DNAH6: variants seen among roughly 807,000 people sequenced by gnomAD.
DNAH6 encodes dynein axonemal heavy chain 6.
DNAH6 carries 340 observed loss-of-function variants against 491.4 expected under a neutral mutation model. That is an observed-to-expected ratio of 0.69 (90% CI 0.63 to 0.76). The LOEUF is 0.76. Among genes scored for constraint, DNAH6 ranks in the 30% least tolerant of loss-of-function variants. The pLI, the probability that DNAH6 is intolerant of heterozygous loss-of-function variation, is 0.00. For synonymous variants in DNAH6, 1,603 were observed against 1,686.1 expected, an observed-to-expected ratio of 0.95 and a Z score of 1.21; for missense variants, 4,443 against 4,972.2, an observed-to-expected ratio of 0.89 and a Z score of 3.20.
At chr2:84,526,550 CG>C (rs1185625073) in intron 3 of DNAH6, among the ~76,000 whole-genome samples, 1 of 152,018 alleles carries the variant, frequency 6.6e-6, no homozygotes, top group Non-Finnish European at 1.5e-5. Context: ...ACCTGGCCAT[CG>C]GGGGGCCAGT....
intron 45 of DNAH6, among the ~76,000 whole-genome samples, chr2:84,693,433 T>C (rs1394832370): frequency 6.6e-6 from 1 of 152,082 alleles, no homozygotes; most frequent in Non-Finnish European, 1.5e-5. Context: ...TCTAGTATCA[T>C]CATTGTAGGG....
At chr2:84,813,225 C>T in intron 74 of DNAH6, 95 bp downstream of exon 74, 1 of 884,338 alleles carries the variant, frequency 1.1e-6, no homozygotes, top group Non-Finnish European at 1.8e-6. Context: ...GCTGCTAATG[C>T]TCTAGCAATG....
intron 64 of DNAH6, among the ~76,000 whole-genome samples, chr2:84,765,815 T>G (rs1376029209): frequency 6.6e-6 from 1 of 152,046 alleles, no homozygotes; most frequent in East Asian, 1.9e-4. Context: ...TATATGCTAT[T>G]TAGAAACCAC....
Position 84,604,501 on chromosome 2 carries a change from A to C in DNAH6, c.3031A>C (p.Ile1011Leu), listed in dbSNP as rs376933349. 4 of 1,551,760 alleles carry C rather than the reference A, an allele frequency of 2.6e-6. No homozygotes were observed. Among genetic ancestry groups the C allele is most frequent in the Non-Finnish European group, 3.5e-6 (4 of 1,146,992 alleles). The change falls in exon 19 of 77, where the codon ATA becomes CTA. Residue 1011 changes from isoleucine (I) to leucine (L), a missense_variant. Physicochemically the swap from Ile to Leu is conservative, Grantham distance 5. Coordinates refer to ENST00000389394, the MANE Select transcript of DNAH6 (RefSeq NM_001370.2). ...TGACTTTGGTCAAGAAATCCAGGACATATCTGGACAGGCTTCTGGAGAAGC... is the reference window on the plus strand; with the variant it reads ...TGACTTTGGTCAAGAAATCCAGGACCTATCTGGACAGGCTTCTGGAGAAGC... The part of the protein sequence containing the change: ...VFDFGQEIQD[I>L]SGQASGEAAL...
At chr2:84,517,506 C>T (rs908428253) in intron 1 of DNAH6, among the ~76,000 whole-genome samples, 2 of 152,144 alleles carry the variant, frequency 1.3e-5, no homozygotes, top group African/African-American at 4.8e-5. Context: ...TCCTTTTGTC[C>T]TTCCAAATCT....
intron 9 of DNAH6, among the ~76,000 whole-genome samples, chr2:84,550,999 T>A (rs1255113993): frequency 6.6e-6 from 1 of 152,178 alleles, no homozygotes; most frequent in Non-Finnish European, 1.5e-5. Flanking sequence ...TATTATCTCA[T>A]ATTCAAATTT....
the DNAH6 span, among the ~76,000 whole-genome samples, chr2:84,475,346 G>C: frequency 4.6e-5 from 7 of 152,310 alleles, no homozygotes; most frequent in East Asian, 1.4e-3. Context: ...GGGGCTCAAG[G>C]CAGCTCCCTC....
At chr2:84,794,499 C>T (rs1446005514) in intron 68 of DNAH6, among the ~76,000 whole-genome samples, 2 of 150,298 alleles carry the variant, frequency 1.3e-5, no homozygotes, top group Non-Finnish European at 3.0e-5. Context: ...CAAACAACCC[C>T]ATCAAAAAGT....
intron 62 of DNAH6, 40 bp from the exon 63 acceptor site, chr2:84,745,040 C>T: frequency 7.7e-7 from 1 of 1,298,552 alleles, no homozygotes; most frequent in Non-Finnish European, 1.0e-6. Flanking sequence ...AAAGCCAAAA[C>T]AAATCTAATT....
Position 84,611,526 on chromosome 2 carries a change from G to A in DNAH6, c.3295-148G>A, listed in dbSNP as rs1308768833. 1.5e-5 allele frequency: 10 copies of A among 671,620 alleles called. No homozygotes were observed. The Admixed American group carries it at 2.6e-4, about 18-fold the overall frequency. 41.6% of individuals were successfully genotyped at this position (671,620 alleles called of 1,614,324 possible). A position where few individuals can be genotyped will look rare whatever the true frequency, so the allele number is the denominator to read the frequency against. Reference sequence around the variant, plus strand: ...CTAAGGTGAATCTTGGACCTTGTAAGGAATTTAATTTCAAAGGACCTGTGA... The same window carrying A: ...CTAAGGTGAATCTTGGACCTTGTAAAGAATTTAATTTCAAAGGACCTGTGA... On this transcript the variant is annotated intron_variant, in intron 21 of 76. Transcript: ENST00000389394.
chr2:84,613,406 G>A (rs1686522883), intron 22 of DNAH6, among the ~76,000 whole-genome samples: 1 of 152,100 alleles, frequency 6.6e-6, no homozygotes, highest in East Asian at 1.9e-4. Flanking sequence ...GAGTGCTTAG[G>A]TGGGGACTGG....
intron 70 of DNAH6, 86 bp from the exon 71 acceptor site, chr2:84,805,579 T>G: frequency 1.6e-6 from 2 of 1,271,462 alleles, no homozygotes; most frequent in Non-Finnish European, 2.1e-6. Context: ...AGAACTGCCT[T>G]TACTTTTGTA....
At chr2:84,521,898 A>G (rs879497128) in intron 2 of DNAH6, among the ~76,000 whole-genome samples, 8 of 152,126 alleles carry the variant, frequency 5.3e-5, no homozygotes, top group Middle Eastern at 3.2e-3. Flanking sequence ...GTTTGAAGTC[A>G]GGTAACATGA....
chr2:84,803,184 C>T (rs142727498), intron 70 of DNAH6, among the ~76,000 whole-genome samples: 55 of 152,148 alleles, frequency 3.6e-4, no homozygotes, highest in Non-Finnish European at 7.2e-4. Flanking sequence ...AAACTAAACT[C>T]GAAGAATGCA....
rs759756512 is a variant in DNAH6 at position 84,701,245 on chromosome 2, T to A, written c.7967T>A (p.Leu2656Gln). The change falls in exon 49 of 77, where the codon CTG (leucine) becomes CAG (glutamine). Residue 2656 changes from leucine (L) to glutamine (Q), a missense_variant. Coordinates refer to ENST00000389394, the MANE Select transcript of DNAH6 (RefSeq NM_001370.2). ...ATGGCAGAGCGCTATTACAATGAGC[T>A]GCGCAGGCGGTACTACACGACACCC... is the stretch of plus-strand genomic sequence containing the variant. ...SSMAERYYNE[L>Q]RRRYYTTPTS... 6.4e-7 allele frequency: 1 copy of A among 1,551,830 alleles called. No individual in the cohort carries two copies. Among genetic ancestry groups the A allele is most frequent in the South Asian group, 1.2e-5 (1 of 84,060 alleles).
At chr2:84,735,098 T>C (rs1699427614) in intron 62 of DNAH6, among the ~76,000 whole-genome samples, 1 of 152,172 alleles carries the variant, frequency 6.6e-6, no homozygotes, top group Admixed American at 6.5e-5. Flanking sequence ...CCCTCCTTTA[T>C]GTCTGTGTGT....
At chr2:84,493,903 G>A in the DNAH6 span, among the ~76,000 whole-genome samples, 1 of 152,186 alleles carries the variant, frequency 6.6e-6, no homozygotes, top group Non-Finnish European at 1.5e-5. Context: ...TGAAGAGACT[G>A]TGACAACAAG....
At position 84,548,383 on chromosome 2, in the gene DNAH6, G is replaced by A; in HGVS notation, c.1282G>A (p.Ala428Thr). Residue 428 changes from alanine to threonine, a missense_variant, in exon 8 of 77, where the codon GCC becomes ACC. This residue lies in a region of DNAH6 where 2,977 missense variants were observed against 3,296.6 expected (regional missense o/e 0.90). Transcript: ENST00000389394. ...TGAGAAAATGACATATACAGAACAGGCCAGCAAAAGGCATTATTGCATGAG... is the reference window on the plus strand; with the variant it reads ...TGAGAAAATGACATATACAGAACAGACCAGCAAAAGGCATTATTGCATGAG... ...DSEKMTYTEQ[A>T]SKRHYCMRLT... is the part of the protein sequence containing the mutation. 1.2e-6 allele frequency: 2 copies of A among 1,613,936 alleles called. No individual in the cohort carries two copies. Among genetic ancestry groups the A allele is most frequent in the Non-Finnish European group, 1.7e-6 (2 of 1,179,938 alleles).
At chr2:84,626,474 T>C (rs1303109746) in intron 29 of DNAH6, among the ~76,000 whole-genome samples, 1 of 152,188 alleles carries the variant, frequency 6.6e-6, no homozygotes, top group Non-Finnish European at 1.5e-5. Context: ...ATAGAATAAT[T>C]GGCCCCACAG....
Sources: allele counts gnomAD v4.1 joint callset (sites outside exome capture counted in the v4.1 genomes callset), GRCh38; gene constraint gnomAD v4.1.1; regional missense constraint gnomAD v4.1.1; transcripts MANE v1.5; gene names NCBI Gene and HGNC (gene_info 2026-07-23, HGNC 2026-07-21).